The following MLLT1 variants were observed in gnomAD, a reference collection of about 807,000 sequenced individuals.
MLLT1 encodes the protein MLLT1 super elongation complex subunit, also known as protein ENL.
MLLT1 carries 11 observed loss-of-function variants against 55.1 expected under a neutral mutation model. That is an observed-to-expected ratio of 0.20 (90% CI 0.13 to 0.33). The LOEUF (loss-of-function observed/expected upper bound fraction) is 0.33. Among genes scored for constraint, MLLT1 ranks in the 10% least tolerant of loss-of-function variants. The probability of loss-of-function intolerance (pLI) is 1.00; values close to 1 mark genes in which losing one functional copy is unlikely to be tolerated. For synonymous variants in MLLT1, 323 were observed against 320.1 expected (o/e 1.01, Z -0.10); for missense variants, 536 against 760.6 (o/e 0.70, Z 3.47).
chr19:6,246,119 A>G (rs1458999508), intron 3 of MLLT1, among the ~76,000 whole-genome samples: 1 of 151,564 alleles, frequency 6.6e-6, no homozygotes. Flanking sequence ...AAAAAAAAAA[A>G]GGAAAACAAC....
Position 6,266,276 on chromosome 19 carries a change from CAA to C in MLLT1, c.194-3968_194-3967del, listed in dbSNP as rs35972478. 3.0e-3 allele frequency among the ~76,000 whole-genome samples: 224 copies of C among 73,550 alleles called. 2 individuals carry two copies. The highest frequency in any genetic ancestry group is 8.3e-3 in the African/African-American group (169 of 20,330). 48.3% of individuals were successfully genotyped at this position (73,550 alleles called of 152,430 possible). On this transcript the variant is annotated intron_variant, in intron 2 of 11. Coordinates refer to ENST00000252674, the MANE Select transcript of MLLT1 (RefSeq NM_005934.4). Reference sequence around the variant, plus strand: ...GGGTGGCAGAATGAGATTCTGTCTCCAAAAAAAAAAAAAAAAAAAAAGTTTTG... The same window carrying C: ...GGGTGGCAGAATGAGATTCTGTCTCCAAAAAAAAAAAAAAAAAAAGTTTTG...
At chr19:6,257,848 C>T (rs544214597) in intron 3 of MLLT1, among the ~76,000 whole-genome samples, 15 of 151,982 alleles carry the variant, frequency 9.9e-5, no homozygotes, top group Non-Finnish European at 1.6e-4. Flanking sequence ...AGACATTTCT[C>T]GAGAAAGAGA....
At chr19:6,241,640 CCT>C (rs1477105410) in intron 3 of MLLT1, among the ~76,000 whole-genome samples, 2 of 152,330 alleles carry the variant, frequency 1.3e-5, no homozygotes, top group Non-Finnish European at 2.9e-5. Context: ...CGCAGCACCT[CCT>C]CTCTCCCTGC....
intron 3 of MLLT1, among the ~76,000 whole-genome samples, chr19:6,249,583 G>A (rs904435154): frequency 2.6e-5 from 4 of 152,130 alleles, no homozygotes; most frequent in African/African-American, 4.8e-5. Context: ...CAGAAGCCTC[G>A]AGGCCGCATG....
At chr19:6,237,852 G>A (rs989520398) in intron 3 of MLLT1, among the ~76,000 whole-genome samples, 2 of 151,828 alleles carry the variant, frequency 1.3e-5, no homozygotes, top group East Asian at 1.9e-4. Context: ...CTGCAATCCC[G>A]GCACTTTGGG....
intron 1 of MLLT1, among the ~76,000 whole-genome samples, chr19:6,276,631 T>C (rs1324381144): frequency 6.6e-6 from 1 of 152,022 alleles, no homozygotes; most frequent in African/African-American, 2.4e-5. Context: ...CGGCATCTGC[T>C]CAGCCTTATC....
chr19:6,243,248 G>A (rs976280150), intron 3 of MLLT1, among the ~76,000 whole-genome samples: 2 of 152,004 alleles, frequency 1.3e-5, no homozygotes, highest in African/African-American at 2.4e-5. Context: ...CCCCCACCCC[G>A]GGAAGGCTCG....
At position 6,262,203 on chromosome 19, in the gene MLLT1, T is replaced by C; in HGVS notation, c.276+25A>G. 6.2e-7 allele frequency: 1 copy of C among 1,604,570 alleles called. No homozygotes were observed. Among genetic ancestry groups the C allele is most frequent in the Non-Finnish European group, 8.5e-7 (1 of 1,171,642 alleles). On this transcript the variant is annotated intron_variant, in intron 3 of 11. Transcript: ENST00000252674. The surrounding 1 kb of genome is among the most constrained non-coding windows in gnomAD (Gnocchi z 4.4). The stretch of plus-strand genomic sequence containing the variant: ...CAGGGGTCCCCACAGAGAGGCATCC[T>C]GCTTGCTCCCCTCAGGGATCCTACC...
chr19:6,241,935 T>A (rs1387198160), intron 3 of MLLT1, among the ~76,000 whole-genome samples: 1 of 152,304 alleles, frequency 6.6e-6, no homozygotes, highest in East Asian at 1.9e-4. Flanking sequence ...CGATTGTCCC[T>A]GGCGGAGCGC....
In MLLT1 at chr19:6,226,173, GAGGTGAGGAGAA is replaced by G. The variant is rs1029135670; in HGVS notation, c.546+792_546+803del. ...CACACGCAGGGCCTGGCAGACAAGT[GAGGTGAGGAGAA>G]AGGAGAGGACCGGTGGAGAGATGTG... On this transcript the variant is annotated intron_variant, in intron 5 of 11. Coordinates refer to ENST00000252674, the MANE Select transcript of MLLT1 (RefSeq NM_005934.4). This position sits in a 1 kb window ranked among gnomAD's most constrained non-coding sequence, Gnocchi z 6.3. 9.2e-5 allele frequency among the ~76,000 whole-genome samples: 14 copies of G among 152,244 alleles called. No homozygotes were observed. Among genetic ancestry groups the G allele is most frequent in the African/African-American group, 3.4e-4 (14 of 41,472 alleles).
At position 6,222,394 on chromosome 19, in the gene MLLT1, T is replaced by TGGGGGG. The variant is rs2090910006; in HGVS notation, c.836_837insCCCCCC (p.Pro279_Pro280dup). On this transcript the variant is annotated inframe_insertion, in exon 6 of 12. Transcript: ENST00000252674. The surrounding 1 kb of genome is among the most constrained non-coding windows in gnomAD (Gnocchi z 4.1). ...CCGGCCGCTTGCTGGAAGCCCGGGG[T>TGGGGGG]GGGGGTGGGGGTGGGGGTGGGGGCC... The TGGGGGG allele has an allele frequency of 6.5e-6, 1 of 153,836 alleles. No individual in the cohort carries two copies. The highest frequency in any genetic ancestry group is 2.6e-4 in the African/African-American group (1 of 3,838). 9.5% of individuals were successfully genotyped at this position (153,836 alleles called of 1,614,324 possible). A position where few individuals can be genotyped will look rare whatever the true frequency, so the allele number is the denominator to read the frequency against.
intron 7 of MLLT1, chr19:6,217,056 C>T (rs1235390378): frequency 1.3e-5 from 2 of 153,568 alleles, no homozygotes; most frequent in African/African-American, 4.8e-5. Flanking sequence ...GTTTATATTC[C>T]TGTTACCAAG....
chr19:6,213,507 G>A (rs766678341), intron 10 of MLLT1, 99 bp from the exon 11 acceptor site: 67 of 1,169,170 alleles, frequency 5.7e-5, no homozygotes, highest in Non-Finnish European at 7.5e-5. Flanking sequence ...CCCAGCACAG[G>A]ACAGAGGTAG....
In MLLT1 at chr19:6,244,864, A is replaced by G. The variant is rs1426948288; in HGVS notation, c.277-14151T>C. ...CTCATTACCGTCGGCCGTCAGGGAG[A>G]TGCAAATCAAAACCTAACCAGGTAC... On this transcript the variant is annotated intron_variant, in intron 3 of 11. Coordinates refer to ENST00000252674, the MANE Select transcript of MLLT1 (RefSeq NM_005934.4). Among the ~76,000 whole-genome samples, 4 of 152,152 alleles carry G rather than the reference A, an allele frequency of 2.6e-5. No individual in the cohort carries two copies. In the South Asian group the frequency reaches 8.3e-4, roughly 31 times the overall value.
rs1024124999 is a variant in MLLT1, at chr19:6,222,965, C to A, written c.547-281G>T. 6.6e-6 allele frequency among the ~76,000 whole-genome samples: 1 copy of A among 152,190 alleles called. No homozygotes were observed. Among genetic ancestry groups the A allele is most frequent in the Non-Finnish European group, 1.5e-5 (1 of 68,024 alleles). ...CATTCCCTGAGGGATTCAAGAAGAG[C>A]ACAGGGTGAGTCAGGCAGAGCATGG... On this transcript the variant is annotated intron_variant, in intron 5 of 11. Coordinates refer to ENST00000252674, the MANE Select transcript of MLLT1 (RefSeq NM_005934.4). The surrounding 1 kb of genome is among the most constrained non-coding windows in gnomAD (Gnocchi z 4.1).
Position 6,270,308 on chromosome 19 carries a change from T to C in MLLT1, c.193+271A>G, listed in dbSNP as rs995717575. Among the ~76,000 whole-genome samples the C allele has an allele frequency of 6.6e-6, 1 of 152,192 alleles. No homozygotes were observed. Among genetic ancestry groups the C allele is most frequent in the Admixed American group, 6.5e-5 (1 of 15,286 alleles). ...CGGCTGACTTCACCTGTCCCACCCA[T>C]GCCAACCTGGCTGTGCTCCCTGGCT... On this transcript the variant is annotated intron_variant, in intron 2 of 11. Transcript: ENST00000252674. The surrounding 1 kb of genome is among the most constrained non-coding windows in gnomAD (Gnocchi z 7.1).
At chr19:6,249,428 A>G (rs1388847704) in intron 3 of MLLT1, among the ~76,000 whole-genome samples, 1 of 152,198 alleles carries the variant, frequency 6.6e-6, no homozygotes, top group East Asian at 1.9e-4. Flanking sequence ...GCATTTAAAC[A>G]AGACTCCCTC....
chr19:6,264,466 C>A (rs895824950), intron 2 of MLLT1, among the ~76,000 whole-genome samples: 1 of 151,836 alleles, frequency 6.6e-6, no homozygotes, highest in Non-Finnish European at 1.5e-5. Context: ...GAGCTCCCAC[C>A]AGGAGGAAAG....
Position 6,226,882 on chromosome 19 carries a change from G to T in MLLT1, c.546+95C>A. The T allele has an allele frequency of 5.5e-6, 6 of 1,090,970 alleles. No individual in the cohort carries two copies. Among genetic ancestry groups the T allele is most frequent in the Non-Finnish European group, 7.5e-6 (6 of 803,000 alleles). The allele number at this position is 1,090,970 out of a possible 1,614,324, so 67.6% of individuals were successfully genotyped here. On this transcript the variant is annotated intron_variant, in intron 5 of 11. Coordinates refer to ENST00000252674, the MANE Select transcript of MLLT1 (RefSeq NM_005934.4). This position sits in a 1 kb window ranked among gnomAD's most constrained non-coding sequence, Gnocchi z 6.3. ...GACGCCAAGGGAGCGAGCAGGTGCG[G>T]AAGGCCCAGCCCAGTGGAGGGAGGG...
Sources: gnomAD v4.1 joint callset for allele counts (sites outside exome capture counted in the v4.1 genomes callset) on GRCh38, gnomAD v4.1.1 for gene constraint, Gnocchi (gnomAD v3.1) non-coding constraint, MANE v1.5 for transcripts, NCBI Gene and HGNC (gene_info 2026-07-23, HGNC 2026-07-21) for gene names.